Variants in SLC25A40 observed in about 807,000 individuals in gnomAD.
SLC25A40 encodes the protein solute carrier family 25 member 40.
A neutral mutation model predicts 46.5 loss-of-function variants in SLC25A40; 41 were observed. The ratio of observed to expected loss-of-function variants is 0.88; its 90% CI spans 0.69 to 1.14. The LOEUF is 1.14. Ranked by LOEUF, SLC25A40 falls within the 50% of genes most tolerant of loss-of-function variation. The pLI is 0.00. For missense variants in SLC25A40, 386 were observed against 393.6 expected, an observed-to-expected ratio of 0.98 and a Z score of 0.16; for synonymous variants, 126 against 127.5, an observed-to-expected ratio of 0.99 and a Z score of 0.08.
intron 1 of SLC25A40, 141 bp from the exon 2 acceptor site, chr7:87,860,781 A>G (rs1021549836): frequency 6.6e-6 from 1 of 152,208 alleles, no homozygotes; most frequent in African/African-American, 2.4e-5. Flanking sequence ...GCTTTGAAGA[A>G]TATAAAGAGC....
At chr7:87,844,501 A>T (rs987760384) in intron 8 of SLC25A40, among the ~76,000 whole-genome samples, 2 of 152,154 alleles carry the variant, frequency 1.3e-5, no homozygotes, top group Non-Finnish European at 2.9e-5. Flanking sequence ...TTTCTTTAAA[A>T]TGGGAAAAAT....
At chr7:87,873,531 C>T (rs369051944) in intron 1 of SLC25A40, among the ~76,000 whole-genome samples, 1 of 147,902 alleles carries the variant, frequency 6.8e-6, no homozygotes, top group East Asian at 2.0e-4. Context: ...CTTCTGGGTT[C>T]AAGTGATTCT....
intron 6 of SLC25A40, among the ~76,000 whole-genome samples, chr7:87,848,708 T>C (rs896957664): frequency 6.6e-6 from 1 of 152,236 alleles, no homozygotes; most frequent in Non-Finnish European, 1.5e-5. Context: ...AAGGGAATTA[T>C]TAAATTCAAA....
rs1266085034 is a variant in SLC25A40, at chr7:87,835,427, G to A, written c.*822C>T. 6.6e-6 allele frequency: 1 copy of A among 151,582 alleles called. No homozygotes were observed. Among genetic ancestry groups the A allele is most frequent in the Non-Finnish European group, 1.5e-5 (1 of 67,696 alleles). The allele number at this position is 151,582 out of a possible 1,614,324, so 9.4% of individuals were successfully genotyped here. A position where few individuals can be genotyped will look rare whatever the true frequency, so the allele number is the denominator to read the frequency against. On this transcript the variant is annotated 3_prime_UTR_variant, in exon 12 of 12. Coordinates refer to ENST00000341119, the MANE Select transcript of SLC25A40 (RefSeq NM_018843.4). The stretch of plus-strand genomic sequence containing the variant: ...GAACAATGATACTTGGATTACAAGA[G>A]AGCTAAAAATCAGAGGCTATTCCTG...
At chr7:87,873,464 G>A (rs1441402289) in intron 1 of SLC25A40, among the ~76,000 whole-genome samples, 3 of 135,844 alleles carry the variant, frequency 2.2e-5, no homozygotes, top group African/African-American at 8.7e-5. Flanking sequence ...AGGGAGTCTC[G>A]CTCTGTTGCC....
chr7:87,872,182 G>C (rs536763210), intron 1 of SLC25A40, among the ~76,000 whole-genome samples: 125 of 152,142 alleles, frequency 8.2e-4, no homozygotes, highest in African/African-American at 3.0e-3. Flanking sequence ...TACTTTTGTG[G>C]GTTTGACAAA....
intron 10 of SLC25A40, among the ~76,000 whole-genome samples, chr7:87,840,759 A>ATATT (rs1838319186): frequency 6.6e-6 from 1 of 151,850 alleles, no homozygotes; most frequent in Admixed American, 6.6e-5. Flanking sequence ...AGCTTCTAAT[A>ATATT]TAAGAGGAGA....
chr7:87,836,893 CT>C, intron 10 of SLC25A40, 83 bp from the exon 11 acceptor site: 2 of 755,604 alleles, frequency 2.6e-6, no homozygotes, highest in Non-Finnish European at 3.9e-6. Context: ...GTCCATGGCC[CT>C]TGCGGATATA....
intron 4 of SLC25A40, among the ~76,000 whole-genome samples, chr7:87,855,551 G>C (rs993853233): frequency 2.6e-5 from 4 of 152,110 alleles, no homozygotes; most frequent in Admixed American, 2.0e-4. Flanking sequence ...TGTGAATTTT[G>C]TAATACTTAG....
At chr7:87,846,186 A>G (rs940757787) in intron 8 of SLC25A40, among the ~76,000 whole-genome samples, 3 of 152,192 alleles carry the variant, frequency 2.0e-5, no homozygotes, top group Non-Finnish European at 4.4e-5. Flanking sequence ...ATGTTTGGCA[A>G]TAATACATAT....
intron 8 of SLC25A40, 47 bp downstream of exon 8, chr7:87,846,902 G>A (rs758994471): frequency 6.7e-7 from 1 of 1,502,232 alleles, no homozygotes; most frequent in South Asian, 1.3e-5. Flanking sequence ...ATTTGAATGA[G>A]ACAAAGCCAT....
intron 5 of SLC25A40, among the ~76,000 whole-genome samples, chr7:87,852,427 A>G (rs944591994): frequency 3.3e-5 from 5 of 152,168 alleles, no homozygotes; most frequent in South Asian, 2.1e-4. Context: ...CAAAAAATAA[A>G]TCACAGTGGC....
intron 3 of SLC25A40, 136 bp from the exon 4 acceptor site, chr7:87,856,487 A>G (rs1838617791): frequency 1.3e-6 from 1 of 781,898 alleles, no homozygotes; most frequent in Non-Finnish European, 2.3e-6. Flanking sequence ...ATCTTAAAGT[A>G]GTCTTGAATG....
rs1838690844 is a variant in SLC25A40 at position 87,861,052 on chromosome 7, A to G, written c.-93-412T>C. On this transcript the variant is annotated intron_variant, in intron 1 of 11. Coordinates refer to ENST00000341119, the MANE Select transcript of SLC25A40 (RefSeq NM_018843.4). ...TTAATCTGAATCGAAACAATCTTTA[A>G]TCTGAATCTGAAACAACAAGCTTTA... Among the ~76,000 whole-genome samples the G allele has an allele frequency of 3.3e-5, 5 of 152,176 alleles. No homozygotes were observed. The South Asian group carries it at 1.0e-3, about 32-fold the overall frequency.
chr7:87,859,138 A>T (rs1464009770), intron 2 of SLC25A40, among the ~76,000 whole-genome samples: 1 of 152,238 alleles, frequency 6.6e-6, no homozygotes, highest in Non-Finnish European at 1.5e-5. Flanking sequence ...CAGTATAAAA[A>T]TAACTTATGA....
intron 10 of SLC25A40, among the ~76,000 whole-genome samples, chr7:87,839,467 T>C (rs1195905384): frequency 6.6e-6 from 1 of 150,916 alleles, no homozygotes; most frequent in Non-Finnish European, 1.5e-5. Flanking sequence ...TTAAGAATAG[T>C]GTTTCAAAAA....
chr7:87,845,378 C>CTA (rs781775749), intron 8 of SLC25A40, among the ~76,000 whole-genome samples: 2 of 152,126 alleles, frequency 1.3e-5, no homozygotes, highest in African/African-American at 2.4e-5. Context: ...TGAGCATTAC[C>CTA]GCCTGAGCTC....
chr7:87,859,334 C>A (rs1299998793), intron 2 of SLC25A40, among the ~76,000 whole-genome samples: 1 of 151,656 alleles, frequency 6.6e-6, no homozygotes, highest in Admixed American at 6.6e-5. Context: ...CCCAGCTACT[C>A]GGGAGGCTGA....
At chr7:87,866,721 C>T (rs1838806858) in intron 1 of SLC25A40, among the ~76,000 whole-genome samples, 2 of 152,184 alleles carry the variant, frequency 1.3e-5, no homozygotes, top group Admixed American at 6.5e-5. Context: ...CATCTTGGCT[C>T]CTCCTGAAAC....
Sources: allele counts gnomAD v4.1 joint callset (sites outside exome capture counted in the v4.1 genomes callset), GRCh38; gene constraint gnomAD v4.1.1; transcripts MANE v1.5; gene names NCBI Gene and HGNC (gene_info 2026-07-23, HGNC 2026-07-21).